RANBP6: variants seen among roughly 807,000 people sequenced by gnomAD.
RANBP6 encodes ran-binding protein 6.
In RANBP6, 10 loss-of-function variants were observed where a neutral mutation model predicts 35.3. That is an observed-to-expected ratio of 0.28 (90% confidence interval 0.17 to 0.48). The LOEUF is 0.48. RANBP6 is among the 20% of genes least tolerant of loss of function. The probability of loss-of-function intolerance (pLI) is 0.99; values close to 1 mark genes in which losing one functional copy is unlikely to be tolerated. For missense variants in RANBP6, 1,392 were observed against 1,307.7 expected, an observed-to-expected ratio of 1.06 and a Z score of -0.99; for synonymous variants, 514 against 464.2, an observed-to-expected ratio of 1.11 and a Z score of -1.38.
Position 6,012,386 on chromosome 9 carries a change from A to G in RANBP6, c.3222T>C (p.Arg1074=), listed in dbSNP as rs1842488011. 1 of 1,613,848 alleles carries G rather than the reference A, an allele frequency of 6.2e-7. No individual in the cohort carries two copies. Among genetic ancestry groups the G allele is most frequent in the Non-Finnish European group, 8.5e-7 (1 of 1,179,930 alleles). The change falls in exon 1 of 1, where the codon CGT becomes CGC. Residue 1074 remains arginine (R), a synonymous_variant. Coordinates refer to ENST00000259569, the MANE Select transcript of RANBP6 (RefSeq NM_012416.4). ...ATAAATCTTCAGAAGTCTGTACCTG[A>G]CGCACGACATTAGCTAGGCGTTTGG... ...PCAKRLANVV[R]QVQTSEDLWL...
In RANBP6 at chr9:6,015,602, C is replaced by A; in HGVS notation, c.6G>T (p.Ala2=). M[A]ATASAGVPAT... is the part of the protein sequence containing the mutation. ...CCGGCACCCCTGCAGACGCGGTTGCCGCCATTGCGCTCTGTCAAAGCTACC... is the reference window on the plus strand; with the variant it reads ...CCGGCACCCCTGCAGACGCGGTTGCAGCCATTGCGCTCTGTCAAAGCTACC... The change falls in exon 1 of 1, where the codon GCG becomes GCT. Residue 2 remains alanine (A), a synonymous_variant. Coordinates refer to ENST00000259569, the MANE Select transcript of RANBP6 (RefSeq NM_012416.4). 1 of 1,591,468 alleles carries A rather than the reference C, an allele frequency of 6.3e-7. No homozygotes were observed. Among genetic ancestry groups the A allele is most frequent in the Non-Finnish European group, 8.5e-7 (1 of 1,174,828 alleles).
Position 6,012,182 on chromosome 9 carries a change from C to G in RANBP6, c.*108G>C. The G allele has an allele frequency of 2.4e-6, 2 of 829,446 alleles. No individual in the cohort carries two copies. The highest frequency in any genetic ancestry group is 5.6e-5 in the East Asian group (2 of 35,682). 51.4% of individuals were successfully genotyped at this position (829,446 alleles called of 1,614,324 possible). ...GAGAAACATGGAGAAGAACTATAAA[C>G]TGCTTAGCAGGGAGAAAACAGTTCT... is the stretch of plus-strand genomic sequence containing the variant. On this transcript the variant is annotated 3_prime_UTR_variant, in exon 1 of 1. Transcript: ENST00000259569.
rs1842509741 is a variant in RANBP6, at chr9:6,013,335, C to T, written c.2273G>A (p.Cys758Tyr). The change falls in exon 1 of 1, where the codon TGT (cysteine) becomes TAT (tyrosine). Residue 758 changes from cysteine to tyrosine, a missense_variant. Transcript: ENST00000259569. ...ACCAATAGCCTTGATTAAGGGGTCA[C>T]ATATGAATTGCCACATCTGTGCAAG... is the stretch of plus-strand genomic sequence containing the variant. ...EYLAQMWQFICDPLIKAIGTE... is the reference protein window; with the variant it reads ...EYLAQMWQFIYDPLIKAIGTE... 1.5e-5 allele frequency: 24 copies of T among 1,614,060 alleles called. No homozygotes were observed. In the East Asian group the frequency reaches 5.3e-4, roughly 36 times the overall value.
rs1267667533 is a variant in RANBP6, at chr9:6,011,668, A to T, written c.*622T>A. The T allele has an allele frequency of 6.6e-6, 1 of 152,182 alleles. No homozygotes were observed. The highest frequency in any genetic ancestry group is 1.5e-5 in the Non-Finnish European group (1 of 68,020). The allele number at this position is 152,182 out of a possible 1,614,324, so 9.4% of individuals were successfully genotyped here. A position where few individuals can be genotyped will look rare whatever the true frequency, so the allele number is the denominator to read the frequency against. On this transcript the variant is annotated 3_prime_UTR_variant, in exon 1 of 1. Coordinates refer to ENST00000259569, the MANE Select transcript of RANBP6 (RefSeq NM_012416.4). ...AAAATAGAGACCTGTCTGGCTAAAG[A>T]AATTTAAAAGTTCTCTAACTCTCAA... is the stretch of plus-strand genomic sequence containing the variant.
Position 6,012,525 on chromosome 9 carries a change from A to G in RANBP6, c.3083T>C (p.Ile1028Thr), listed in dbSNP as rs778289107. 15 of 1,612,670 alleles carry G rather than the reference A, an allele frequency of 9.3e-6. No individual in the cohort carries two copies. Residue 1028 changes from isoleucine to threonine, a missense_variant, in exon 1 of 1, where the codon ATT (isoleucine) becomes ACT (threonine). By Grantham distance (89) the Ile-to-Thr change is moderately conservative. Coordinates refer to ENST00000259569, the MANE Select transcript of RANBP6 (RefSeq NM_012416.4). The part of the protein sequence containing the change: ...IQTLSFLCDL[I>T]ESNHPVVIGP... ...AATTACAACTGGGTGGTTACTTTCAATTAGGTCACAGAGAAAACTCAAAGT... is the reference window on the plus strand; with the variant it reads ...AATTACAACTGGGTGGTTACTTTCAGTTAGGTCACAGAGAAAACTCAAAGT...
At position 6,013,808 on chromosome 9, in the gene RANBP6, A is replaced by ATTT. The variant is rs761617414; in HGVS notation, c.1797_1799dup (p.Leu599_Asn600insLys). The ATTT allele has an allele frequency of 3.7e-5, 59 of 1,613,816 alleles. No individual in the cohort carries two copies. The highest frequency in any genetic ancestry group is 4.7e-5 in the Non-Finnish European group (55 of 1,180,030). ...TCTGAGGGTCATCATCTTCCATATTATTTAAGTCTGATTGTGTCTTCAACA... is the reference window on the plus strand; with the variant it reads ...TCTGAGGGTCATCATCTTCCATATTATTTTTTAAGTCTGATTGTGTCTTCAACA... On this transcript the variant is annotated inframe_insertion, in exon 1 of 1. Coordinates refer to ENST00000259569, the MANE Select transcript of RANBP6 (RefSeq NM_012416.4).
Position 6,015,302 on chromosome 9 carries a change from A to T in RANBP6, c.306T>A (p.Ile102=). The change falls in exon 1 of 1, where the codon ATT becomes ATA. Residue 102 remains isoleucine, a synonymous_variant. Coordinates refer to ENST00000259569, the MANE Select transcript of RANBP6 (RefSeq NM_012416.4). The part of the protein sequence containing the change: ...DVQRDVKIEL[I]LAVKLETHAS... ...CATGTGTTTCTAACTTAACAGCCAG[A>T]ATCAGTTCAATCTTGACATCTCTCT... 1 of 1,614,230 alleles carries T rather than the reference A, an allele frequency of 6.2e-7. No homozygotes were observed. The highest frequency in any genetic ancestry group is 8.5e-7 in the Non-Finnish European group (1 of 1,180,046).
chr9:6,011,047 A>C lies in RANBP6; in HGVS notation c.*1243T>G, dbSNP rs1475406531. On this transcript the variant is annotated 3_prime_UTR_variant, in exon 1 of 1. Transcript: ENST00000259569. ...AGGTACAAACAACAACAGCAATAAC[A>C]GCTACAATTTATTGAGCACTTACTA... 1 of 152,214 alleles carries C rather than the reference A, an allele frequency of 6.6e-6. No homozygotes were observed. The highest frequency in any genetic ancestry group is 1.5e-5 in the Non-Finnish European group (1 of 68,024). The allele number at this position is 152,214 out of a possible 1,614,324, so 9.4% of individuals were successfully genotyped here. A position where few individuals can be genotyped will look rare whatever the true frequency, so the allele number is the denominator to read the frequency against.
chr9:6,012,724 C>A lies in RANBP6; in HGVS notation c.2884G>T (p.Val962Phe). The change falls in exon 1 of 1, where the codon GTT becomes TTT. Residue 962 changes from valine (V) to phenylalanine (F), a missense_variant. Val to Phe is a conservative substitution (Grantham distance 50, BLOSUM62 -1). Coordinates refer to ENST00000259569, the MANE Select transcript of RANBP6 (RefSeq NM_012416.4). ...CSEAVPLLVK[V>F]IKCANSKTKK... is the part of the protein sequence containing the mutation. ...GTTTTGGAATTTGCACACTTAATAACTTTTACCAGAAGTGGAACAGCTTCT... is the reference window on the plus strand; with the variant it reads ...GTTTTGGAATTTGCACACTTAATAAATTTTACCAGAAGTGGAACAGCTTCT... 6.2e-7 allele frequency: 1 copy of A among 1,614,130 alleles called. No individual in the cohort carries two copies. Among genetic ancestry groups the A allele is most frequent in the South Asian group, 1.1e-5 (1 of 91,076 alleles).
Position 6,012,056 on chromosome 9 carries a change from A to T in RANBP6, c.*234T>A, listed in dbSNP as rs535977806. On this transcript the variant is annotated 3_prime_UTR_variant, in exon 1 of 1. Coordinates refer to ENST00000259569, the MANE Select transcript of RANBP6 (RefSeq NM_012416.4). Reference sequence around the variant, plus strand: ...TACATCAACTAGGGGAAAGGTGACAAACATTGTTTAAGACAGTTTGAAGCA... The same window carrying T: ...TACATCAACTAGGGGAAAGGTGACATACATTGTTTAAGACAGTTTGAAGCA... 2.7e-6 allele frequency: 1 copy of T among 370,458 alleles called. No homozygotes were observed. Among genetic ancestry groups the T allele is most frequent in the Admixed American group, 4.1e-5 (1 of 24,232 alleles). The allele number at this position is 370,458 out of a possible 1,614,324, so 22.9% of individuals were successfully genotyped here.
In RANBP6 at chr9:6,013,751, C is replaced by A; in HGVS notation, c.1857G>T (p.Met619Ile). The change falls in exon 1 of 1, where the codon ATG becomes ATT. Residue 619 changes from methionine to isoleucine, a missense_variant. Coordinates refer to ENST00000259569, the MANE Select transcript of RANBP6 (RefSeq NM_012416.4). ...TSYMVSAWAR[M>I]CKILGKDFQQ... ...GAAAATCTTTTCCAAGAATTTTACA[C>A]ATTCTAGCCCATGCTGAAACCATGT... 6.2e-7 allele frequency: 1 copy of A among 1,613,864 alleles called. No individual in the cohort carries two copies. The highest frequency in any genetic ancestry group is 8.5e-7 in the Non-Finnish European group (1 of 1,180,034).
At position 6,012,515 on chromosome 9, in the gene RANBP6, G is replaced by A. The variant is rs1426355546; in HGVS notation, c.3093C>T (p.Asn1031=). Residue 1031 remains asparagine (N), a synonymous_variant, in exon 1 of 1, where the codon AAC becomes AAT. Transcript: ENST00000259569. The part of the protein sequence containing the change: ...LSFLCDLIES[N]HPVVIGPNNS... ...TATTTGGACCAATTACAACTGGGTG[G>A]TTACTTTCAATTAGGTCACAGAGAA... is the stretch of plus-strand genomic sequence containing the variant. 1 of 1,612,294 alleles carries A rather than the reference G, an allele frequency of 6.2e-7. No homozygotes were observed. Among genetic ancestry groups the A allele is most frequent in the Non-Finnish European group, 8.5e-7 (1 of 1,179,256 alleles).
rs184802439 is a variant in RANBP6 at position 6,014,080 on chromosome 9, G to A, written c.1528C>T (p.Arg510Trp). The A allele has an allele frequency of 2.5e-5, 41 of 1,613,898 alleles. No individual in the cohort carries two copies. Among genetic ancestry groups the A allele is most frequent in the South Asian group, 2.5e-4 (23 of 91,052 alleles). The change falls in exon 1 of 1, where the codon CGG becomes TGG. Residue 510 changes from arginine to tryptophan, a missense_variant. Arg to Trp is a moderately radical substitution (Grantham distance 101). Coordinates refer to ENST00000259569, the MANE Select transcript of RANBP6 (RefSeq NM_012416.4). The part of the protein sequence containing the change: ...VLVIKLQELI[R>W]NGTKLALEQL... ...TCCAAAGCCAACTTAGTTCCATTCC[G>A]AATCAACTCTTGAAGTTTAATCACC...
At position 6,012,658 on chromosome 9, in the gene RANBP6, T is replaced by C. The variant is rs1414471843; in HGVS notation, c.2950A>G (p.Ile984Val). Residue 984 changes from isoleucine to valine, a missense_variant, in exon 1 of 1, where the codon ATA becomes GTA. Physicochemically the swap from Ile to Val is conservative, Grantham distance 29. Coordinates refer to ENST00000259569, the MANE Select transcript of RANBP6 (RefSeq NM_012416.4). ...GGCTTAAACTTCAAAATCTTCCCTA[T>C]TGCTGAGATACAGTTCTCTGTAGCA... ...VIATENCISA[I>V]GKILKFKPNC... 1.1e-5 allele frequency: 18 copies of C among 1,613,628 alleles called. No individual in the cohort carries two copies. Among genetic ancestry groups the C allele is most frequent in the Non-Finnish European group, 1.5e-5 (18 of 1,179,850 alleles).
At position 6,013,455 on chromosome 9, in the gene RANBP6, A is replaced by G. The variant is rs1355085427; in HGVS notation, c.2153T>C (p.Leu718Ser). The change falls in exon 1 of 1, where the codon TTA (leucine) becomes TCA (serine). Residue 718 changes from leucine (L) to serine (S), a missense_variant. Leu to Ser is a moderately radical substitution (Grantham distance 145). Coordinates refer to ENST00000259569, the MANE Select transcript of RANBP6 (RefSeq NM_012416.4). ...TEQVVKLMVPLLKFYFHDNVR... is the reference protein window; with the variant it reads ...TEQVVKLMVPSLKFYFHDNVR... Reference sequence around the variant, plus strand: ...ATTGTCATGGAAATAAAATTTCAGTAAAGGAACCATCAGCTTCACAACTTG... The same window carrying G: ...ATTGTCATGGAAATAAAATTTCAGTGAAGGAACCATCAGCTTCACAACTTG... 3 of 1,614,102 alleles carry G rather than the reference A, an allele frequency of 1.9e-6. No individual in the cohort carries two copies. In the African/African-American group the frequency reaches 4.0e-5, roughly 22 times the overall value.
chr9:6,015,058 A>G lies in RANBP6; in HGVS notation c.550T>C (p.Leu184=). ...TGATCTTGAATACACTGGTCCAACA[A>G]CCGTTTGATGATATCCAAATCATGC... The part of the protein sequence containing the change: ...ERHDLDIIKR[L]LDQCIQDQEH... The change falls in exon 1 of 1, where the codon TTG becomes CTG. Residue 184 remains leucine, a synonymous_variant. Coordinates refer to ENST00000259569, the MANE Select transcript of RANBP6 (RefSeq NM_012416.4). The G allele has an allele frequency of 6.2e-7, 1 of 1,614,182 alleles. No homozygotes were observed. Among genetic ancestry groups the G allele is most frequent in the Non-Finnish European group, 8.5e-7 (1 of 1,180,036 alleles).
chr9:6,012,909 A>G lies in RANBP6; in HGVS notation c.2699T>C (p.Ile900Thr), dbSNP rs147298129. The change falls in exon 1 of 1, where the codon ATA becomes ACA. Residue 900 changes from isoleucine to threonine, a missense_variant. Physicochemically the swap from Ile to Thr is moderately conservative, Grantham distance 89. Coordinates refer to ENST00000259569, the MANE Select transcript of RANBP6 (RefSeq NM_012416.4). ...QWGLCIFDDIIEHCSPTSFKY... is the reference protein window; with the variant it reads ...QWGLCIFDDITEHCSPTSFKY... ...AAATGAAGTTGGACTGCAGTGCTCT[A>G]TGATGTCATCAAATATGCACAATCC... 7 of 1,614,050 alleles carry G rather than the reference A, an allele frequency of 4.3e-6. No homozygotes were observed. The African/African-American group carries it at 8.0e-5, about 18-fold the overall frequency.
Position 6,012,145 on chromosome 9 carries a change from TGA to T in RANBP6, c.*143_*144del. 3 of 620,020 alleles carry T rather than the reference TGA, an allele frequency of 4.8e-6. No individual in the cohort carries two copies. The South Asian group carries it at 7.9e-5, about 16-fold the overall frequency. 38.4% of individuals were successfully genotyped at this position (620,020 alleles called of 1,614,324 possible). On this transcript the variant is annotated 3_prime_UTR_variant, in exon 1 of 1. Coordinates refer to ENST00000259569, the MANE Select transcript of RANBP6 (RefSeq NM_012416.4). The stretch of plus-strand genomic sequence containing the variant: ...TGCGAGATAAACAGAGGACTAACAC[TGA>T]TTAATTCTGGAGAAACATGGAGAAG...
rs148165014 is a variant in RANBP6, at chr9:6,014,614, C to G, written c.994G>C (p.Ala332Pro). The G allele has an allele frequency of 4.3e-6, 7 of 1,614,068 alleles. No individual in the cohort carries two copies. The highest frequency in any genetic ancestry group is 5.9e-6 in the Non-Finnish European group (7 of 1,180,040). The change falls in exon 1 of 1, where the codon GCT (alanine) becomes CCT (proline). Residue 332 changes from alanine (A) to proline (P), a missense_variant. By Grantham distance (27) the Ala-to-Pro change is conservative (BLOSUM62 -1). Transcript: ENST00000259569. The stretch of plus-strand genomic sequence containing the variant: ...AAATCATCTTCTTCCATTTCATCAG[C>G]ATTTACCCAGTCCTCATCATCTTGT... ...DLQDDEDWVN[A>P]DEMEEDDFDS...
Sources: allele counts gnomAD v4.1 joint callset, GRCh38; gene constraint gnomAD v4.1.1; transcripts MANE v1.5; gene names NCBI Gene and HGNC (gene_info 2026-07-23, HGNC 2026-07-21).